MYOM2: variants seen among roughly 807,000 people sequenced by gnomAD.
MYOM2 encodes myomesin 2, also known as myomesin-2.
Under a neutral mutation model 187.6 loss-of-function variants are expected in MYOM2, and 254 were observed. That is an observed-to-expected ratio of 1.35 (90% CI 1.22 to 1.50). The LOEUF (loss-of-function observed/expected upper bound fraction) is 1.50. Ranked by LOEUF, MYOM2 falls within the 40% of genes most tolerant of loss-of-function variation. The probability of loss-of-function intolerance (pLI) is 0.00; values close to 1 mark genes in which losing one functional copy is unlikely to be tolerated. For synonymous variants in MYOM2, 981 were observed against 753.8 expected, an observed-to-expected ratio of 1.30 and a Z score of -4.94; for missense variants, 2,796 against 1,924.0, an observed-to-expected ratio of 1.45 and a Z score of -8.48.
Position 2,090,168 on chromosome 8 carries a change from C to T in MYOM2, c.1805C>T (p.Pro602Leu). 6.2e-7 allele frequency: 1 copy of T among 1,613,842 alleles called. No homozygotes were observed. ...AGCGAACCTTCGGAGATAACGTCCC[C>T]CATTCAGGCCCAGGATGTGACCGGT... The part of the protein sequence containing the change: ...GLSEPSEITS[P>L]IQAQDVTVVP... Residue 602 changes from proline to leucine, a missense_variant, in exon 15 of 37, where the codon CCC becomes CTC. Pro to Leu is a moderately conservative substitution (Grantham distance 98). Transcript: ENST00000262113.
chr8:2,094,185 GAAGGGGAA>G, intron 17 of MYOM2, 94 bp downstream of exon 17: 2 of 1,495,602 alleles, frequency 1.3e-6, no homozygotes, highest in Non-Finnish European at 1.8e-6. Flanking sequence ...GAATGTCATT[GAAGGGGAA>G]AAGGGGACTA....
chr8:2,106,283 A>G lies in MYOM2; in HGVS notation c.2776A>G (p.Ile926Val), dbSNP rs1447784251. 1 of 1,614,048 alleles carries G rather than the reference A, an allele frequency of 6.2e-7. No homozygotes were observed. Among genetic ancestry groups the G allele is most frequent in the East Asian group, 2.2e-5 (1 of 44,888 alleles). ...TGCTGGTGTCGATGAACAAGGCAAC[A>G]TCTATCTGGGCTTCGACTGCCAGGA... is the stretch of plus-strand genomic sequence containing the variant. ...ISAGVDEQGN[I>V]YLGFDCQEMT... The change falls in exon 22 of 37, where the codon ATC becomes GTC. Residue 926 changes from isoleucine to valine, a missense_variant. Physicochemically the swap from Ile to Val is conservative, Grantham distance 29 (BLOSUM62 3). Coordinates refer to ENST00000262113, the MANE Select transcript of MYOM2 (RefSeq NM_003970.4).
chr8:2,095,890 G>C (rs145033861), intron 17 of MYOM2, among the ~76,000 whole-genome samples: 3 of 152,172 alleles, frequency 2.0e-5, no homozygotes, highest in African/African-American at 7.2e-5. Context: ...GGTTGTAAAA[G>C]TGAAAGCTCC....
At position 2,123,608 on chromosome 8, in the gene MYOM2, C is replaced by T. The variant is rs1282838606; in HGVS notation, c.3621C>T (p.Gly1207=). ...EYKATLKDDR[G]QDVSILEIAG... ...AGGCAACCTTGAAAGATGACAGAGG[C>T]CAAGATGTGTCCATCCTTGAAATAG... The change falls in exon 30 of 37, where the codon GGC becomes GGT. Residue 1207 remains glycine, a synonymous_variant. Transcript: ENST00000262113. The T allele has an allele frequency of 1.9e-6, 3 of 1,614,024 alleles. No homozygotes were observed. Among genetic ancestry groups the T allele is most frequent in the Non-Finnish European group, 2.5e-6 (3 of 1,180,010 alleles).
intron 34 of MYOM2, 137 bp from the exon 35 acceptor site, chr8:2,142,235 ATGT>A (rs1798298243): frequency 1.2e-6 from 1 of 858,724 alleles, no homozygotes; most frequent in Non-Finnish European, 2.0e-6. Flanking sequence ...TGACCCGAAC[ATGT>A]TCTTCTAAGA....
intron 6 of MYOM2, among the ~76,000 whole-genome samples, chr8:2,067,006 A>G (rs188681486): frequency 2.4e-3 from 361 of 152,198 alleles, no homozygotes; most frequent in Non-Finnish European, 4.2e-3. Context: ...CTGGTGTGTG[A>G]TCTGTCCCTT....
At chr8:2,084,455 G>A (rs138058187) in intron 13 of MYOM2, among the ~76,000 whole-genome samples, 127 of 152,272 alleles carry the variant, frequency 8.3e-4, no homozygotes, top group Middle Eastern at 6.8e-3. Flanking sequence ...GTTTCAGACC[G>A]TTTTAATCAT....
intron 3 of MYOM2, among the ~76,000 whole-genome samples, chr8:2,053,099 G>A (rs530097541): frequency 6.6e-6 from 1 of 152,150 alleles, no homozygotes; most frequent in African/African-American, 2.4e-5. Flanking sequence ...TGCTACTTCT[G>A]GGAATTTTCT....
In MYOM2 at chr8:2,090,153, C is replaced by T. The variant is rs766631002; in HGVS notation, c.1790C>T (p.Ser597Leu). 11 of 1,613,864 alleles carry T rather than the reference C, an allele frequency of 6.8e-6. No individual in the cohort carries two copies. In the Middle Eastern group the frequency reaches 8.2e-4, roughly 121 times the overall value. ...SANRHGLSEP[S>L]EITSPIQAQD... Reference sequence around the variant, plus strand: ...AACCGGCATGGCCTGAGCGAACCTTCGGAGATAACGTCCCCCATTCAGGCC... The same window carrying T: ...AACCGGCATGGCCTGAGCGAACCTTTGGAGATAACGTCCCCCATTCAGGCC... The change falls in exon 15 of 37, where the codon TCG becomes TTG. Residue 597 changes from serine to leucine, a missense_variant. Coordinates refer to ENST00000262113, the MANE Select transcript of MYOM2 (RefSeq NM_003970.4).
intron 6 of MYOM2, among the ~76,000 whole-genome samples, 173 bp from the exon 7 acceptor site, chr8:2,069,105 G>A (rs1018121020): frequency 1.3e-5 from 2 of 152,102 alleles, no homozygotes; most frequent in African/African-American, 4.8e-5. Context: ...AATTAATACC[G>A]AGTGCTGCCT....
chr8:2,144,696 C>T lies in MYOM2; in HGVS notation c.4113C>T (p.Asn1371=), dbSNP rs138694737. 5,184 of 1,614,098 alleles carry T rather than the reference C, an allele frequency of 3.2e-3. 12 individuals carry two copies. Among genetic ancestry groups the T allele is most frequent in the Non-Finnish European group, 4.1e-3 (4,782 of 1,180,028 alleles). ...ATCTGACCTGCACGGTGTTTGGAAA[C>T]CCTGACCCCGAAGTGATTTGGTTCA... The part of the protein sequence containing the change: ...TLNLTCTVFG[N]PDPEVIWFKN... The change falls in exon 37 of 37, where the codon AAC becomes AAT. Residue 1371 remains asparagine, a synonymous_variant. Transcript: ENST00000262113.
intron 35 of MYOM2, 145 bp from the exon 36 acceptor site, chr8:2,143,256 T>A: frequency 1.1e-6 from 1 of 910,124 alleles, no homozygotes; most frequent in Non-Finnish European, 1.8e-6. Context: ...TGTAAACATA[T>A]AAACCTTTTT....
chr8:2,109,374 C>A (rs373685277), intron 24 of MYOM2, 21 bp from the exon 25 acceptor site: 3 of 1,583,866 alleles, frequency 1.9e-6, no homozygotes, highest in Admixed American at 1.8e-5. Flanking sequence ...TATTGACTTG[C>A]GATTTCTTTT....
At chr8:2,105,556 C>G (rs1563059046) in intron 21 of MYOM2, among the ~76,000 whole-genome samples, 2 of 152,170 alleles carry the variant, frequency 1.3e-5, no homozygotes, top group Non-Finnish European at 2.9e-5. Context: ...TGGGCTTCCC[C>G]TGAGGGTCAG....
At chr8:2,128,793 A>G (rs907435411) in intron 31 of MYOM2, among the ~76,000 whole-genome samples, 3 of 152,144 alleles carry the variant, frequency 2.0e-5, no homozygotes, top group Non-Finnish European at 4.4e-5. Context: ...GGGTTAACTC[A>G]CGTAGCATTT....
At chr8:2,112,902 G>A (rs180924381) in intron 25 of MYOM2, among the ~76,000 whole-genome samples, 129 of 152,318 alleles carry the variant, frequency 8.5e-4, no homozygotes, top group South Asian at 1.5e-3. Flanking sequence ...AAGGGCTGAC[G>A]GAGTCTTCTC....
In MYOM2 at chr8:2,143,425, T is replaced by G; in HGVS notation, c.4049T>G (p.Leu1350Trp). 6.2e-7 allele frequency: 1 copy of G among 1,614,114 alleles called. No individual in the cohort carries two copies. The highest frequency in any genetic ancestry group is 8.5e-7 in the Non-Finnish European group (1 of 1,180,032). The change falls in exon 36 of 37, where the codon TTG (leucine) becomes TGG (tryptophan). Residue 1350 changes from leucine to tryptophan, a missense_variant. Transcript: ENST00000262113. ...GATCGTGGCAGGTTGATCGGCGGCT[T>G]GCCTGACGTGGTGACCATCATGGAA... ...EKNRGRLIGGLPDVVTIMEGK... is the reference protein window; with the variant it reads ...EKNRGRLIGGWPDVVTIMEGK...
chr8:2,101,135 CAGG>C (rs139924504), intron 20 of MYOM2, 81 bp downstream of exon 20: 49,884 of 1,453,514 alleles, frequency 0.034, 1,199 homozygotes, highest in Middle Eastern at 0.082. Context: ...CACTTGAGGT[CAGG>C]AGTTCGAAAC....
At chr8:2,093,285 C>G (rs950718936) in intron 16 of MYOM2, among the ~76,000 whole-genome samples, 3 of 152,060 alleles carry the variant, frequency 2.0e-5, no homozygotes, top group African/African-American at 4.8e-5. Flanking sequence ...GCAGAAAGAT[C>G]GATCAGAATA....
Sources: gnomAD v4.1 joint callset for allele counts (sites outside exome capture counted in the v4.1 genomes callset) on GRCh38, gnomAD v4.1.1 for gene constraint, MANE v1.5 for transcripts, NCBI Gene and HGNC (gene_info 2026-07-23, HGNC 2026-07-21) for gene names.